ATP8A2: variants seen among roughly 807,000 people sequenced by gnomAD.
The protein encoded by ATP8A2 is phospholipid-transporting ATPase IB.
In ATP8A2, 100 loss-of-function variants were observed where a neutral mutation model predicts 165.6. The observed-to-expected ratio is 0.60, with a 90% confidence interval of 0.51 to 0.71. ATP8A2 has a LOEUF of 0.71. Ranked by LOEUF, ATP8A2 falls within the 30% of genes least tolerant of loss-of-function variation. The pLI is 0.00. For synonymous variants in ATP8A2, 543 were observed against 548.8 expected, an observed-to-expected ratio of 0.99 and a Z score of 0.15; for missense variants, 1,227 against 1,479.5, an observed-to-expected ratio of 0.83 and a Z score of 2.80.
At chr13:25,841,687 A>AT (rs1951749575) in intron 30 of ATP8A2, among the ~76,000 whole-genome samples, 1 of 152,254 alleles carries the variant, frequency 6.6e-6, no homozygotes, top group African/African-American at 2.4e-5. Flanking sequence ...GACAGTAGAT[A>AT]TATCAATGTC....
At chr13:25,983,435 A>G (rs531176740) in intron 35 of ATP8A2, among the ~76,000 whole-genome samples, 2 of 152,356 alleles carry the variant, frequency 1.3e-5, no homozygotes, top group East Asian at 3.9e-4. Flanking sequence ...TTAACCATTG[A>G]CATTCTAATC....
At chr13:25,429,516 A>T (rs1593295326) in intron 1 of ATP8A2, among the ~76,000 whole-genome samples, 1 of 152,000 alleles carries the variant, frequency 6.6e-6, no homozygotes, top group East Asian at 1.9e-4. Flanking sequence ...GGAGTGGAAT[A>T]GTTCTTCATG....
chr13:25,413,205 ATTC>A (rs1352168390), intron 1 of ATP8A2, among the ~76,000 whole-genome samples: 1 of 151,242 alleles, frequency 6.6e-6, no homozygotes, highest in Non-Finnish European at 1.5e-5. Flanking sequence ...AATAGAAGTA[ATTC>A]TTCTAGTAGT....
intron 24 of ATP8A2, among the ~76,000 whole-genome samples, chr13:25,691,597 A>G (rs1175232359): frequency 6.6e-6 from 1 of 152,262 alleles, no homozygotes; most frequent in Admixed American, 6.5e-5. Flanking sequence ...GTGAGAAGCC[A>G]AACATCTCTT....
chr13:25,619,147 T>A (rs2040904782), intron 24 of ATP8A2, among the ~76,000 whole-genome samples: 1 of 152,148 alleles, frequency 6.6e-6, no homozygotes, highest in Admixed American at 6.6e-5. Context: ...CAGAAGCACC[T>A]TTTGTGGAGG....
At chr13:25,963,961 C>T (rs1955718963) in intron 34 of ATP8A2, among the ~76,000 whole-genome samples, 1 of 152,264 alleles carries the variant, frequency 6.6e-6, no homozygotes, top group Non-Finnish European at 1.5e-5. Context: ...GTAAAAGTCA[C>T]TTCCTTTCCA....
chr13:26,005,971 T>G (rs2139336559), intron 35 of ATP8A2, among the ~76,000 whole-genome samples: 1 of 152,154 alleles, frequency 6.6e-6, no homozygotes, highest in East Asian at 1.9e-4. Context: ...TTTTTCAACA[T>G]TATTTTGGTT....
intron 4 of ATP8A2, among the ~76,000 whole-genome samples, chr13:25,531,220 A>T (rs61148444): frequency 9.0e-6 from 1 of 111,258 alleles, no homozygotes; most frequent in Non-Finnish European, 1.8e-5. Flanking sequence ...GTTATATATG[A>T]TATATGTTAT....
chr13:25,539,290 C>G (rs949442565), intron 7 of ATP8A2, among the ~76,000 whole-genome samples: 1 of 151,882 alleles, frequency 6.6e-6, no homozygotes, highest in African/African-American at 2.4e-5. Context: ...TGTAGAGGCT[C>G]ATTTTTAAAA....
chr13:25,466,813 T>G (rs532367484), intron 1 of ATP8A2, among the ~76,000 whole-genome samples: 1 of 152,334 alleles, frequency 6.6e-6, no homozygotes, highest in Admixed American at 6.5e-5. Flanking sequence ...AGCCTGTCCC[T>G]ACTGTCCTGG....
At chr13:25,787,721 C>G (rs1042780429) in intron 27 of ATP8A2, among the ~76,000 whole-genome samples, 15 of 152,262 alleles carry the variant, frequency 9.9e-5, no homozygotes, top group Non-Finnish European at 2.9e-5. Context: ...CCGGGCCTCT[C>G]TGCCTCAGGG....
intron 24 of ATP8A2, among the ~76,000 whole-genome samples, chr13:25,637,444 G>A (rs2041399880): frequency 6.6e-6 from 1 of 152,176 alleles, no homozygotes; most frequent in Non-Finnish European, 1.5e-5. Context: ...TTAGCAAATG[G>A]CACACAAGGA....
chr13:25,919,025 T>G (rs1322501232), intron 33 of ATP8A2, among the ~76,000 whole-genome samples: 1 of 152,228 alleles, frequency 6.6e-6, no homozygotes, highest in Non-Finnish European at 1.5e-5. Context: ...GCAACTGTGT[T>G]GCATGAAAAC....
intron 28 of ATP8A2, 141 bp from the exon 29 acceptor site, chr13:25,837,022 G>A (rs1951631180): frequency 1.0e-6 from 1 of 991,122 alleles, no homozygotes; most frequent in Non-Finnish European, 1.5e-6. Flanking sequence ...TCCTTTGTTT[G>A]GAGGGTGTCT....
In ATP8A2 at chr13:25,697,416, A is replaced by C. The variant is rs140418816; in HGVS notation, c.2212-1757A>C. On this transcript the variant is annotated intron_variant, in intron 24 of 36. Coordinates refer to ENST00000381655, the MANE Select transcript of ATP8A2 (RefSeq NM_016529.6). ...TGCCTCAGACTCCTGAGTAGCTGGG[A>C]TTACAGGTGCGTGCCACCACAGCCC... 3.3e-3 allele frequency among the ~76,000 whole-genome samples: 501 copies of C among 152,218 alleles called. 2 individuals are homozygous for C. Among genetic ancestry groups the C allele is most frequent in the African/African-American group, 0.011 (476 of 41,530 alleles).
At chr13:25,886,842 G>A (rs1377823113) in intron 33 of ATP8A2, among the ~76,000 whole-genome samples, 2 of 152,192 alleles carry the variant, frequency 1.3e-5, no homozygotes, top group African/African-American at 4.8e-5. Context: ...CAAGCCCTTA[G>A]TACTACATAG....
At chr13:25,566,777 T>C (rs893850275) in intron 16 of ATP8A2, among the ~76,000 whole-genome samples, 2 of 152,230 alleles carry the variant, frequency 1.3e-5, no homozygotes, top group African/African-American at 4.8e-5. Flanking sequence ...TTATATGAAA[T>C]ACCTTGCTCT....
At chr13:25,958,434 G>C (rs926359548) in intron 33 of ATP8A2, among the ~76,000 whole-genome samples, 1 of 152,152 alleles carries the variant, frequency 6.6e-6, no homozygotes, top group Admixed American at 6.5e-5. Context: ...CAGGTGCATG[G>C]GTGTCCCTTG....
intron 24 of ATP8A2, among the ~76,000 whole-genome samples, chr13:25,668,812 C>T (rs1343311328): frequency 1.3e-5 from 2 of 152,148 alleles, no homozygotes; most frequent in African/African-American, 4.8e-5. Flanking sequence ...TGCCTGCTCA[C>T]TTCTGCTATT....
Sources: gnomAD v4.1 joint callset for allele counts (sites outside exome capture counted in the v4.1 genomes callset) on GRCh38, gnomAD v4.1.1 for gene constraint, MANE v1.5 for transcripts, NCBI Gene and HGNC (gene_info 2026-07-23, HGNC 2026-07-21) for gene names.